Variants in QTGAL observed in about 807,000 individuals in gnomAD.
QTGAL encodes the protein BGnT-like protein 1.
At chr17:82,942,341 A>G in the QTGAL span, 6 of 1,520,890 alleles carry the variant, frequency 3.9e-6, no homozygotes, top group East Asian at 9.0e-5. Flanking sequence ...GGTTTCCTGC[A>G]GGAACCGTGT....
chr17:83,007,157 G>A, the QTGAL span: 8 of 924,784 alleles, frequency 8.7e-6, no homozygotes, highest in African/African-American at 1.1e-4. Context: ...AAACGTGCTC[G>A]GCCATGGCTG....
chr17:83,009,487 C>T, the QTGAL span, among the ~76,000 whole-genome samples: 9 of 152,190 alleles, frequency 5.9e-5, no homozygotes, highest in South Asian at 1.7e-3. Flanking sequence ...CTGAGACCCA[C>T]GAGGTGAGTC....
chr17:83,014,558 T>C, the QTGAL span: 18 of 1,608,274 alleles, frequency 1.1e-5, no homozygotes, highest in East Asian at 2.2e-4. Context: ...TTTGTTTGCA[T>C]TGATTGATGC....
the QTGAL span, among the ~76,000 whole-genome samples, chr17:82,980,459 G>A: frequency 9.9e-5 from 15 of 152,128 alleles, no homozygotes; most frequent in Admixed American, 2.0e-4. Flanking sequence ...CTCAGTCCCC[G>A]TGACCCCTTC....
At chr17:82,996,774 T>C in the QTGAL span, among the ~76,000 whole-genome samples, 1 of 152,164 alleles carries the variant, frequency 6.6e-6, no homozygotes, top group Non-Finnish European at 1.5e-5. Context: ...TTGACAAACA[T>C]GCCAAGAACT....
At chr17:83,048,234 G>T in the QTGAL span, among the ~76,000 whole-genome samples, 1 of 152,120 alleles carries the variant, frequency 6.6e-6, no homozygotes, top group African/African-American at 2.4e-5. Flanking sequence ...CACCATGTTG[G>T]CCACGCTGGT....
the QTGAL span, among the ~76,000 whole-genome samples, chr17:83,021,047 T>A: frequency 6.6e-6 from 1 of 152,234 alleles, no homozygotes; most frequent in South Asian, 2.1e-4. Flanking sequence ...GTGCCCTACA[T>A]GAATATTTGC....
the QTGAL span, chr17:82,981,709 TG>T: frequency 6.6e-6 from 1 of 152,236 alleles, no homozygotes; most frequent in Non-Finnish European, 1.5e-5. Context: ...TCCTCACACG[TG>T]GCCCAAATAA....
chr17:83,022,191 A>G, the QTGAL span, among the ~76,000 whole-genome samples: 1 of 152,264 alleles, frequency 6.6e-6, no homozygotes. Flanking sequence ...AAGTGATAAA[A>G]TGGTCATTAT....
the QTGAL span, among the ~76,000 whole-genome samples, chr17:83,026,822 G>A: frequency 5.1e-3 from 74 of 14,638 alleles, no homozygotes; most frequent in South Asian, 0.011. Flanking sequence ...AGAGCAGGGC[G>A]GGGAGCCTGC....
the QTGAL span, among the ~76,000 whole-genome samples, chr17:83,051,228 C>T: frequency 0.17 from 17,544 of 104,898 alleles, 1,204 homozygotes; most frequent in South Asian, 0.29. Flanking sequence ...GAGGCAGATG[C>T]GCAGGTGCGC....
chr17:82,992,408 A>G, the QTGAL span, among the ~76,000 whole-genome samples: 1 of 152,234 alleles, frequency 6.6e-6, no homozygotes, highest in African/African-American at 2.4e-5. Context: ...AGAGGATGGC[A>G]TGACATATGT....
At chr17:82,993,831 T>C in the QTGAL span, among the ~76,000 whole-genome samples, 2 of 151,792 alleles carry the variant, frequency 1.3e-5, no homozygotes, top group Non-Finnish European at 2.9e-5. Flanking sequence ...TTTAATGGAC[T>C]AAAACTAGAA....
the QTGAL span, chr17:82,945,096 C>T: frequency 6.6e-6 from 1 of 151,966 alleles, no homozygotes; most frequent in South Asian, 2.1e-4. Context: ...AATATGAGTA[C>T]ATTTTTGAAA....
At chr17:82,983,229 G>A in the QTGAL span, among the ~76,000 whole-genome samples, 4 of 152,162 alleles carry the variant, frequency 2.6e-5, no homozygotes, top group Non-Finnish European at 5.9e-5. Flanking sequence ...GCAGTGAGCC[G>A]AGATCACGCC....
chr17:83,023,938 CA>C, the QTGAL span, among the ~76,000 whole-genome samples: 1 of 152,208 alleles, frequency 6.6e-6, no homozygotes, highest in South Asian at 2.1e-4. Context: ...TGCAAATTAG[CA>C]ATTTAAAAGT....
the QTGAL span, among the ~76,000 whole-genome samples, chr17:83,001,622 G>GC: frequency 3.9e-5 from 6 of 152,132 alleles, no homozygotes; most frequent in African/African-American, 1.4e-4. Flanking sequence ...GGGGACGGGA[G>GC]CCCCTCTAGG....
the QTGAL span, among the ~76,000 whole-genome samples, chr17:82,971,294 C>G: frequency 1.3e-5 from 2 of 152,206 alleles, no homozygotes; most frequent in Non-Finnish European, 2.9e-5. Flanking sequence ...AGCATAAGGA[C>G]GCGCACAGAC....
the QTGAL span, among the ~76,000 whole-genome samples, chr17:83,046,374 T>A: frequency 6.6e-6 from 1 of 152,180 alleles, no homozygotes; most frequent in Non-Finnish European, 1.5e-5. Flanking sequence ...TGACCTCAGG[T>A]GGTCCACCCG....
Sources: allele counts gnomAD v4.1 joint callset (sites outside exome capture counted in the v4.1 genomes callset), GRCh38; gene constraint gnomAD v4.1.1; transcripts MANE v1.5; gene names NCBI Gene and HGNC (gene_info 2026-07-23, HGNC 2026-07-21).